Variants in AMDHD1 observed in about 807,000 individuals in gnomAD.
AMDHD1 encodes amidohydrolase domain containing 1, also known as probable imidazolonepropionase.
A neutral mutation model predicts 44.1 loss-of-function variants in AMDHD1; 45 were observed. The observed-to-expected ratio is 1.02, with a 90% CI of 0.80 to 1.31. AMDHD1 has a LOEUF of 1.31. AMDHD1 is among the 50% of genes most tolerant of loss of function. The probability of loss-of-function intolerance (pLI) is 0.00; values close to 1 mark genes in which losing one functional copy is unlikely to be tolerated. For missense variants in AMDHD1, 586 were observed against 552.1 expected (o/e 1.06, Z -0.61); for synonymous variants, 206 against 205.0 (o/e 1.00, Z -0.04).
At chr12:95,955,608 G>C (rs2080545747) in intron 3 of AMDHD1, among the ~76,000 whole-genome samples, 1 of 152,184 alleles carries the variant, frequency 6.6e-6, no homozygotes, top group Admixed American at 6.5e-5. Flanking sequence ...CAGAATTTCA[G>C]AGCCAAAAGC....
In AMDHD1 at chr12:95,954,984, A is replaced by G. The variant is rs1464662809; in HGVS notation, c.309+9A>G. The G allele has an allele frequency of 6.2e-7, 1 of 1,613,784 alleles. No individual in the cohort carries two copies. The highest frequency in any genetic ancestry group is 1.7e-5 in the Admixed American group (1 of 60,030). ...ACGAATTTGCAATGAAGGTAACTGC[A>G]ACAAATCATGGCAAATCAAAATAAA... On this transcript the variant is annotated intron_variant, in intron 3 of 8. Transcript: ENST00000266736.
intron 4 of AMDHD1, among the ~76,000 whole-genome samples, chr12:95,958,805 C>T (rs756786161): frequency 6.6e-6 from 1 of 152,152 alleles, no homozygotes; most frequent in Non-Finnish European, 1.5e-5. Context: ...CCTGTAATCC[C>T]AGCACTTTGG....
At chr12:95,964,400 G>A (rs1016382301) in intron 6 of AMDHD1, among the ~76,000 whole-genome samples, 1 of 152,110 alleles carries the variant, frequency 6.6e-6, no homozygotes, top group Non-Finnish European at 1.5e-5. Flanking sequence ...TGTATTTTAT[G>A]TAAATTTGCA....
chr12:95,947,669 A>G (rs1592820480), intron 1 of AMDHD1, among the ~76,000 whole-genome samples: 2 of 45,440 alleles, frequency 4.4e-5, no homozygotes, highest in African/African-American at 1.4e-4. Flanking sequence ...CCGGGAGGTG[A>G]GGGGCGCCTC....
intron 1 of AMDHD1, among the ~76,000 whole-genome samples, chr12:95,946,753 A>G (rs2080498611): frequency 6.0e-5 from 2 of 33,084 alleles, no homozygotes; most frequent in Non-Finnish European, 1.0e-4. Flanking sequence ...AGTCTGCCGA[A>G]TGCCTGTGAT....
chr12:95,943,596 C>T, intron 1 of AMDHD1, 61 bp downstream of exon 1: 1 of 1,387,922 alleles, frequency 7.2e-7, no homozygotes, highest in African/African-American at 1.5e-5. Context: ...CTCTTCCTCT[C>T]ACTGTGCACT....
At chr12:95,946,016 C>T (rs192368919) in intron 1 of AMDHD1, among the ~76,000 whole-genome samples, 25 of 151,820 alleles carry the variant, frequency 1.6e-4, no homozygotes, top group Non-Finnish European at 3.1e-4. Context: ...ATTTAGGTCT[C>T]TAAAGGTATC....
chr12:95,965,910 A>C lies in AMDHD1; in HGVS notation c.1032+131A>C. On this transcript the variant is annotated intron_variant, in intron 7 of 8. Coordinates refer to ENST00000266736, the MANE Select transcript of AMDHD1 (RefSeq NM_152435.3). Reference sequence around the variant, plus strand: ...TATTTTTCTGTGAAACAAGAAAAAAAGGGGTAGACAGCAGTGTAATTGGAT... The same window carrying C: ...TATTTTTCTGTGAAACAAGAAAAAACGGGGTAGACAGCAGTGTAATTGGAT... The C allele has an allele frequency of 1.6e-5, 10 of 626,246 alleles. No homozygotes were observed. The South Asian group carries it at 2.7e-4, about 17-fold the overall frequency. The allele number at this position is 626,246 out of a possible 1,614,324, so 38.8% of individuals were successfully genotyped here.
At chr12:95,950,051 CAACCTCTCTTAAAGCAGTGTCAGTCATT>C (rs2080519458) in intron 1 of AMDHD1, among the ~76,000 whole-genome samples, 1 of 152,180 alleles carries the variant, frequency 6.6e-6, no homozygotes, top group African/African-American at 2.4e-5. Context: ...TTTGTTAAAA[CAACCTCTCTTAAAGCAGTGTCAGTCATT>C]AACTCTTTGC....
At position 95,943,485 on chromosome 12, in the gene AMDHD1, T is replaced by G; in HGVS notation, c.87T>G (p.Asp29Glu). ...GCGGCGAGCGCTTCCTGGCGCGGGATGCGCTGCGCAGCCTGGCGGTGCTGG... is the reference window on the plus strand; with the variant it reads ...GCGGCGAGCGCTTCCTGGCGCGGGAGGCGCTGCGCAGCCTGGCGGTGCTGG... ...CARGERFLAR[D>E]ALRSLAVLEG... Residue 29 changes from aspartate to glutamate, a missense_variant, in exon 1 of 9, where the codon GAT becomes GAG. By Grantham distance (45) the Asp-to-Glu change is conservative. Coordinates refer to ENST00000266736, the MANE Select transcript of AMDHD1 (RefSeq NM_152435.3). 6.7e-7 allele frequency: 1 copy of G among 1,501,362 alleles called. No homozygotes were observed. 93.0% of individuals were successfully genotyped at this position (1,501,362 alleles called of 1,614,324 possible).
chr12:95,956,125 T>C (rs1296607346), intron 3 of AMDHD1, among the ~76,000 whole-genome samples: 1 of 152,152 alleles, frequency 6.6e-6, no homozygotes, highest in Non-Finnish European at 1.5e-5. Flanking sequence ...TGTTTGTTTT[T>C]TGAGATAGAG....
chr12:95,967,620 G>T, intron 8 of AMDHD1, 136 bp from the exon 9 acceptor site: 2 of 655,966 alleles, frequency 3.0e-6, no homozygotes, highest in Non-Finnish European at 5.0e-6. Flanking sequence ...CGGTTTTTTA[G>T]AAAGCCCAAA....
chr12:95,956,717 G>A lies in AMDHD1; in HGVS notation c.342G>A (p.Gln114=). The change falls in exon 4 of 9, where the codon CAG becomes CAA. Residue 114 remains glutamine (Q), a synonymous_variant. Coordinates refer to ENST00000266736, the MANE Select transcript of AMDHD1 (RefSeq NM_152435.3). ...GAGCCACCTACATGGAAATTCACCA[G>A]GCCGGAGGAGGGATCCACTTTACCG... ...LAGATYMEIH[Q]AGGGIHFTVE... is the part of the protein sequence containing the mutation. 1 of 1,614,204 alleles carries A rather than the reference G, an allele frequency of 6.2e-7. No individual in the cohort carries two copies. The highest frequency in any genetic ancestry group is 2.2e-5 in the East Asian group (1 of 44,894).
At chr12:95,944,280 A>C (rs1343503671) in intron 1 of AMDHD1, among the ~76,000 whole-genome samples, 2 of 152,196 alleles carry the variant, frequency 1.3e-5, no homozygotes. Context: ...GAGGCAGTTT[A>C]GGGTTGTGCA....
intron 1 of AMDHD1, 21 bp downstream of exon 1, chr12:95,943,556 G>A: frequency 1.4e-6 from 2 of 1,424,416 alleles, no homozygotes; most frequent in South Asian, 2.9e-5. Context: ...GGGCGCGCAG[G>A]GTGGGGACCG....
chr12:95,958,531 CAG>C (rs1447994692), intron 4 of AMDHD1, among the ~76,000 whole-genome samples: 1 of 151,862 alleles, frequency 6.6e-6, no homozygotes, highest in African/African-American at 2.4e-5. Context: ...TTTTTTCAAA[CAG>C]AATATAAAGT....
At chr12:95,965,965 A>G (rs2080608114) in intron 7 of AMDHD1, among the ~76,000 whole-genome samples, 186 bp downstream of exon 7, 1 of 152,242 alleles carries the variant, frequency 6.6e-6, no homozygotes, top group Admixed American at 6.5e-5. Flanking sequence ...GCCTGCAGGC[A>G]TAGAGAGAGG....
At chr12:95,945,896 G>A (rs2080493183) in intron 1 of AMDHD1, among the ~76,000 whole-genome samples, 1 of 151,936 alleles carries the variant, frequency 6.6e-6, no homozygotes. Context: ...TATAAAATGA[G>A]TCCTGGAAAA....
chr12:95,960,251 G>A (rs1031332895), intron 4 of AMDHD1, 147 bp from the exon 5 acceptor site: 2 of 681,404 alleles, frequency 2.9e-6, no homozygotes. Context: ...AGAGCCCATA[G>A]TTGTAGCTTT....
Sources: gnomAD v4.1 joint callset for allele counts (sites outside exome capture counted in the v4.1 genomes callset) on GRCh38, gnomAD v4.1.1 for gene constraint, MANE v1.5 for transcripts, NCBI Gene and HGNC (gene_info 2026-07-23, HGNC 2026-07-21) for gene names.